The following DBN1 variants were observed in gnomAD, a reference collection of about 807,000 sequenced individuals.
DBN1 encodes drebrin 1.
DBN1 carries 21 observed loss-of-function variants against 83.5 expected under a neutral mutation model. The observed-to-expected ratio is 0.25, with a 90% CI of 0.18 to 0.36. The LOEUF is 0.36. Ranked by LOEUF, DBN1 falls within the 10% of genes least tolerant of loss-of-function variation. The pLI, the probability that DBN1 is intolerant of heterozygous loss-of-function variation, is 1.00. For missense variants in DBN1, 874 were observed against 935.7 expected, an observed-to-expected ratio of 0.93 and a Z score of 0.86; for synonymous variants, 381 against 384.9, an observed-to-expected ratio of 0.99 and a Z score of 0.12.
rs1757502567 is a variant in DBN1 at position 177,467,129 on chromosome 5, C to T, written c.556-67G>A. The T allele has an allele frequency of 1.9e-6, 3 of 1,609,910 alleles. No individual in the cohort carries two copies. The highest frequency in any genetic ancestry group is 2.5e-6 in the Non-Finnish European group (3 of 1,177,774). ...GCGCCTGGACCCTGCCCCTCCAGCC[C>T]CTCCCTAACCCAGCGCTGGGGGCGG... On this transcript the variant is annotated intron_variant, in intron 6 of 14. Coordinates refer to ENST00000393565, the MANE Select transcript of DBN1 (RefSeq NM_001363541.2). This position sits in a 1 kb window ranked among gnomAD's most constrained non-coding sequence, Gnocchi z 9.1.
intron 8 of DBN1, among the ~76,000 whole-genome samples, chr5:177,463,656 A>T (rs552450192): frequency 6.6e-6 from 1 of 152,350 alleles, no homozygotes; most frequent in South Asian, 2.1e-4. Context: ...GACCTGCTAG[A>T]ATGTCCACTG....
Position 177,458,659 on chromosome 5 carries a change from G to C in DBN1, c.1313C>G (p.Ala438Gly). The stretch of plus-strand genomic sequence containing the variant: ...GGGGCCGGCCCAGGCCTGAGGGGCT[G>C]CTGCTCTGGTCTCCTCACTGTCTAG... ...PILDSEETRA[A>G]APQAWAGPME... The change falls in exon 13 of 15, where the codon GCA becomes GGA. Residue 438 changes from alanine (A) to glycine (G), a missense_variant. Transcript: ENST00000393565. The C allele has an allele frequency of 6.3e-7, 1 of 1,579,606 alleles. No individual in the cohort carries two copies. Among genetic ancestry groups the C allele is most frequent in the African/African-American group, 1.4e-5 (1 of 74,002 alleles).
chr5:177,464,461 AAT>A, intron 8 of DBN1, among the ~76,000 whole-genome samples: 8 of 151,234 alleles, frequency 5.3e-5, no homozygotes, highest in South Asian at 2.1e-4. Flanking sequence ...AATAAAAATA[AAT>A]AAATAAATAA....
At chr5:177,459,332 C>A in intron 11 of DBN1, 64 bp from the exon 12 acceptor site, 3 of 1,567,870 alleles carry the variant, frequency 1.9e-6, no homozygotes, top group East Asian at 2.3e-5. Flanking sequence ...GGATTGTCCA[C>A]CTTGGGGCCT....
rs764886408 is a variant in DBN1 at position 177,458,603 on chromosome 5, G to T, written c.1369C>A (p.Pro457Thr). 1.2e-6 allele frequency: 2 copies of T among 1,612,656 alleles called. No individual in the cohort carries two copies. The highest frequency in any genetic ancestry group is 1.7e-6 in the Non-Finnish European group (2 of 1,179,176). The change falls in exon 13 of 15, where the codon CCC (proline) becomes ACC (threonine). Residue 457 changes from proline to threonine, a missense_variant. By Grantham distance (38) the Pro-to-Thr change is conservative (BLOSUM62 -1). Around this residue, in one of 4 missense-constraint regions of DBN1, gnomAD observed 725 missense variants for 719.7 expected, o/e 1.01. Transcript: ENST00000393565. ...TCTGCAGGGCTGCCTGGCCCCCGGG[G>T]AGGCGCCTGTGCCTGAGGGGGCTCC... ...MEEPPQAQAP[P>T]RGPGSPAEDL...
intron 2 of DBN1, chr5:177,468,566 G>T: frequency 2.2e-6 from 1 of 444,608 alleles, no homozygotes; most frequent in Non-Finnish European, 4.0e-6. Context: ...GCGGTGAATA[G>T]GGCCCTTCCC....
intron 8 of DBN1, among the ~76,000 whole-genome samples, chr5:177,464,947 G>A (rs748642498): frequency 3.9e-5 from 6 of 152,166 alleles, no homozygotes; most frequent in South Asian, 2.1e-4. Flanking sequence ...GAGGTCAGGA[G>A]ATCGAGACCA....
At position 177,467,030 on chromosome 5, in the gene DBN1, C is replaced by T. The variant is rs756813988; in HGVS notation, c.588G>A (p.Arg196=). The stretch of plus-strand genomic sequence containing the variant: ...TGAGCCTCTCATCCAGGGCCTTCTT[C>T]CGCTCCTCCTCCTTCCGCAGCTCTT... ...KEEELRKEEE[R]KKALDERLRF... The change falls in exon 7 of 15, where the codon CGG becomes CGA. Residue 196 remains arginine, a synonymous_variant. Coordinates refer to ENST00000393565, the MANE Select transcript of DBN1 (RefSeq NM_001363541.2). This position sits in a 1 kb window ranked among gnomAD's most constrained non-coding sequence, Gnocchi z 9.1. 5.6e-6 allele frequency: 9 copies of T among 1,613,916 alleles called. No homozygotes were observed. In the South Asian group the frequency reaches 6.6e-5, roughly 12 times the overall value.
In DBN1 at chr5:177,457,684, G is replaced by A. The variant is rs1256311485; in HGVS notation, c.1988C>T (p.Pro663Leu). ...AGGCTTGTTGTAGAACACAGGAGGC[G>A]GAGCCTTGGCACAGAGCTCTTCCGA... The part of the protein sequence containing the change: ...AQSEELCAKA[P>L]PPVFYNKPPE... The change falls in exon 14 of 15, where the codon CCG becomes CTG. Residue 663 changes from proline to leucine, a missense_variant. Transcript: ENST00000393565. The A allele has an allele frequency of 1.2e-6, 2 of 1,608,276 alleles. No individual in the cohort carries two copies. The highest frequency in any genetic ancestry group is 1.1e-5 in the South Asian group (1 of 90,892).
chr5:177,465,111 C>T (rs1253440713), intron 8 of DBN1, among the ~76,000 whole-genome samples: 6 of 152,140 alleles, frequency 3.9e-5, no homozygotes, highest in Admixed American at 1.3e-4. Context: ...TGAGATGGCG[C>T]CACTGCACTC....
In DBN1 at chr5:177,467,386, A is replaced by G. The variant is rs1471150436; in HGVS notation, c.478-54T>C. On this transcript the variant is annotated intron_variant, in intron 5 of 14. Transcript: ENST00000393565. This position sits in a 1 kb window ranked among gnomAD's most constrained non-coding sequence, Gnocchi z 9.1. ...AGGCTGAATGCCCCAGGAACCCCCG[A>G]CACCTAAAGGGTGAGAGCTAAGAGG... 1.2e-6 allele frequency: 2 copies of G among 1,613,660 alleles called. No homozygotes were observed. The highest frequency in any genetic ancestry group is 1.7e-6 in the Non-Finnish European group (2 of 1,179,654).
rs761506166 is a variant in DBN1 at position 177,458,301 on chromosome 5, C to A, written c.1671G>T (p.Leu557=). The change falls in exon 13 of 15, where the codon CTG becomes CTT. Residue 557 remains leucine, a synonymous_variant. Coordinates refer to ENST00000393565, the MANE Select transcript of DBN1 (RefSeq NM_001363541.2). ...GTGGCTCCGGAGCCACCTCATCCAG[C>A]AGGGGCACCTCTGCCAGGGTGACCT... The part of the protein sequence containing the change: ...GTEVTLAEVP[L]LDEVAPEPLL... The A allele has an allele frequency of 1.2e-6, 2 of 1,613,432 alleles. No individual in the cohort carries two copies. Among genetic ancestry groups the A allele is most frequent in the Non-Finnish European group, 8.5e-7 (1 of 1,179,524 alleles).
chr5:177,462,291 C>T (rs977020278), intron 8 of DBN1: 4 of 985,396 alleles, frequency 4.1e-6, no homozygotes, highest in Non-Finnish European at 4.8e-6. Context: ...ACAGGCACAC[C>T]CGTTCCCACC....
chr5:177,459,392 C>T (rs1334637098), intron 11 of DBN1, 124 bp from the exon 12 acceptor site: 28 of 1,460,082 alleles, frequency 1.9e-5, no homozygotes, highest in Non-Finnish European at 2.5e-5. Flanking sequence ...AGCTCTCCAG[C>T]CCCACCAGGG....
chr5:177,458,111 G>A lies in DBN1; in HGVS notation c.1861C>T (p.Pro621Ser), dbSNP rs756774459. 1.9e-6 allele frequency: 3 copies of A among 1,613,610 alleles called. No homozygotes were observed. Among genetic ancestry groups the A allele is most frequent in the Non-Finnish European group, 2.5e-6 (3 of 1,180,030 alleles). The change falls in exon 13 of 15, where the codon CCG becomes TCG. Residue 621 changes from proline (P) to serine (S), a missense_variant. Transcript: ENST00000393565. ...CCATTGGTTAGCAGGTGGGGCTCCG[G>A]CTCCTGCTCTTGCTCCAGCTCCTCA... Reference protein sequence around the residue: ...ALEELEQEQEPEPHLLTNGET... With the variant: ...ALEELEQEQESEPHLLTNGET...
intron 10 of DBN1, 26 bp downstream of exon 10, chr5:177,460,406 G>A (rs368349622): frequency 3.3e-5 from 54 of 1,612,558 alleles, no homozygotes; most frequent in African/African-American, 1.3e-4. Context: ...GAGTGGGGCC[G>A]GACGGGGGGT....
chr5:177,465,715 C>T (rs1757397066), intron 8 of DBN1, among the ~76,000 whole-genome samples: 1 of 151,962 alleles, frequency 6.6e-6, no homozygotes, highest in Non-Finnish European at 1.5e-5. Flanking sequence ...ATTAGCTAGG[C>T]ATGATGGTGT....
chr5:177,469,841 T>C (rs566123374), intron 1 of DBN1, among the ~76,000 whole-genome samples: 1 of 152,320 alleles, frequency 6.6e-6, no homozygotes, highest in East Asian at 1.9e-4. Flanking sequence ...GGAAGGGCCT[T>C]GTCCCTGAAG....
chr5:177,472,676 T>C, intron 1 of DBN1: 1 of 601,024 alleles, frequency 1.7e-6, no homozygotes, highest in Non-Finnish European at 2.2e-6. Context: ...CCAGAGGGCT[T>C]CCTCCCAGGG....
Sources: gnomAD v4.1 joint callset for allele counts (sites outside exome capture counted in the v4.1 genomes callset) on GRCh38, gnomAD v4.1.1 for gene constraint, gnomAD v4.1.1 regional missense constraint, Gnocchi (gnomAD v3.1) non-coding constraint, MANE v1.5 for transcripts, NCBI Gene and HGNC (gene_info 2026-07-23, HGNC 2026-07-21) for gene names.